Variants in FSD2 observed in about 807,000 individuals in gnomAD.
FSD2 encodes fibronectin type III and SPRY domain-containing protein 2.
FSD2 carries 71 observed loss-of-function variants against 80.4 expected under a neutral mutation model. The observed-to-expected ratio is 0.88, with a 90% CI of 0.73 to 1.08. The LOEUF is 1.08. FSD2 is among the 50% of genes least tolerant of loss of function. FSD2 has a pLI of 0.00. For missense variants in FSD2, 923 were observed against 913.8 expected (o/e 1.01, Z -0.13); for synonymous variants, 361 against 329.5 (o/e 1.10, Z -1.03).
intron 1 of FSD2, among the ~76,000 whole-genome samples, chr15:82,792,881 C>T (rs1240557534): frequency 1.3e-5 from 2 of 151,982 alleles, no homozygotes; most frequent in Non-Finnish European, 2.9e-5. Flanking sequence ...CAAATATTGG[C>T]CTGTAGTTTT....
intron 1 of FSD2, among the ~76,000 whole-genome samples, chr15:82,795,395 C>T (rs1197256904): frequency 6.6e-6 from 1 of 152,112 alleles, no homozygotes; most frequent in Admixed American, 6.6e-5. Context: ...AAATCCTCCC[C>T]AGAACCTGAG....
intron 1 of FSD2, among the ~76,000 whole-genome samples, chr15:82,789,357 A>T (rs1307635056): frequency 1.4e-5 from 2 of 142,436 alleles, no homozygotes; most frequent in Non-Finnish European, 3.0e-5. Context: ...AGAAGGATAT[A>T]ATAATAATAA....
chr15:82,801,857 A>G (rs891467252), intron 1 of FSD2, among the ~76,000 whole-genome samples: 23 of 152,136 alleles, frequency 1.5e-4, no homozygotes, highest in Non-Finnish European at 1.5e-5. Flanking sequence ...CAGCTCCACC[A>G]TGTCTTGGTC....
chr15:82,772,289 C>T, intron 6 of FSD2, 61 bp from the exon 7 acceptor site: 1 of 1,511,008 alleles, frequency 6.6e-7, no homozygotes, highest in Non-Finnish European at 9.0e-7. Flanking sequence ...TGACAGTGGC[C>T]CCTTTCCCAT....
chr15:82,761,117 T>C (rs953702182), intron 12 of FSD2, among the ~76,000 whole-genome samples: 5 of 152,248 alleles, frequency 3.3e-5, no homozygotes, highest in South Asian at 2.1e-4. Flanking sequence ...TTCCCACTTA[T>C]GCTTGGGCAT....
rs113569638 is a variant in FSD2 at position 82,782,257 on chromosome 15, G to C, written c.966+538C>G. 1.3e-4 allele frequency among the ~76,000 whole-genome samples: 20 copies of C among 151,406 alleles called. 1 individual carries two copies. Among genetic ancestry groups the C allele is most frequent in the African/African-American group, 4.6e-4 (19 of 41,292 alleles). ...AAAAATACAAAAAAAAAAATTAGCT[G>C]GGCTTGGTGGCGAGCGCCTGTAGTC... On this transcript the variant is annotated intron_variant, in intron 4 of 12. Transcript: ENST00000334574.
In FSD2 at chr15:82,769,745, A is replaced by G. The variant is rs535737702; in HGVS notation, c.1402+5T>C. On this transcript the variant is annotated splice_donor_5th_base_variant and intron_variant, in intron 8 of 12. Coordinates refer to ENST00000334574, the MANE Select transcript of FSD2 (RefSeq NM_001007122.4). ...CCCTGCTATAGGAAATGAGTAGCCCATTACCTGTCATGTACACTGCACGCT... is the reference window on the plus strand; with the variant it reads ...CCCTGCTATAGGAAATGAGTAGCCCGTTACCTGTCATGTACACTGCACGCT... The G allele has an allele frequency of 6.6e-5, 106 of 1,607,536 alleles. 2 individuals carry two copies. In the South Asian group the frequency reaches 1.1e-3, roughly 17 times the overall value.
intron 6 of FSD2, among the ~76,000 whole-genome samples, chr15:82,777,098 A>G (rs1313672539): frequency 2.0e-5 from 3 of 152,226 alleles, no homozygotes; most frequent in Non-Finnish European, 4.4e-5. Flanking sequence ...CTTAAATGTA[A>G]AACCCTGAAA....
In FSD2 at chr15:82,798,873, G is replaced by GTTTTTTTTTT. The variant is rs149986626; in HGVS notation, c.-79+7092_-79+7093insAAAAAAAAAA. Among the ~76,000 whole-genome samples, 9 of 111,472 alleles carry GTTTTTTTTTT rather than the reference G, an allele frequency of 8.1e-5. 2 individuals are homozygous for GTTTTTTTTTT. Among genetic ancestry groups the GTTTTTTTTTT allele is most frequent in the African/African-American group, 7.3e-5 (2 of 27,286 alleles). 73.1% of individuals were successfully genotyped at this position (111,472 alleles called of 152,430 possible). A position where few individuals can be genotyped will look rare whatever the true frequency, so the allele number is the denominator to read the frequency against. The stretch of plus-strand genomic sequence containing the variant: ...AAGTTTTCTTTCCACTATCTCCACT[G>GTTTTTTTTTT]TTTTGTTTTTTTTTTTTTTTTTGAG... On this transcript the variant is annotated intron_variant, in intron 1 of 12. Transcript: ENST00000334574.
At chr15:82,796,756 A>T (rs1287981214) in intron 1 of FSD2, among the ~76,000 whole-genome samples, 1 of 151,770 alleles carries the variant, frequency 6.6e-6, no homozygotes, top group Non-Finnish European at 1.5e-5. Flanking sequence ...TTCCACCATC[A>T]CTCTTCAGGC....
At position 82,780,282 on chromosome 15, in the gene FSD2, G is replaced by A. The variant is rs1460887318; in HGVS notation, c.967-15C>T. On this transcript the variant is annotated splice_polypyrimidine_tract_variant and intron_variant, in intron 4 of 12. Transcript: ENST00000334574. Reference sequence around the variant, plus strand: ...GCCACTGCATCCTAAAAAGGAAAAAGAGAAAATATTAAGTTGATTTTGGAA... The same window carrying A: ...GCCACTGCATCCTAAAAAGGAAAAAAAGAAAATATTAAGTTGATTTTGGAA... The A allele has an allele frequency of 6.8e-7, 1 of 1,459,994 alleles. No individual in the cohort carries two copies. The highest frequency in any genetic ancestry group is 1.4e-5 in the South Asian group (1 of 74,064). The allele number at this position is 1,459,994 out of a possible 1,614,324, so 90.4% of individuals were successfully genotyped here.
At chr15:82,788,072 T>A (rs992627633) in intron 1 of FSD2, among the ~76,000 whole-genome samples, 1 of 152,164 alleles carries the variant, frequency 6.6e-6, no homozygotes, top group Non-Finnish European at 1.5e-5. Flanking sequence ...AGTCTATTAT[T>A]TTTAAATTGT....
At chr15:82,781,461 AG>A (rs1420224382) in intron 4 of FSD2, among the ~76,000 whole-genome samples, 8 of 152,262 alleles carry the variant, frequency 5.3e-5, no homozygotes, top group Non-Finnish European at 8.8e-5. Flanking sequence ...GCAACCAGGA[AG>A]CTCTGGAGGC....
chr15:82,764,297 T>G (rs2049357912), intron 11 of FSD2, among the ~76,000 whole-genome samples: 1 of 152,138 alleles, frequency 6.6e-6, no homozygotes, highest in African/African-American at 2.4e-5. Flanking sequence ...AGTAAATGAC[T>G]TTGTAACTTC....
At position 82,765,329 on chromosome 15, in the gene FSD2, C is replaced by CA. The variant is rs750316394; in HGVS notation, c.1688-32dup. The stretch of plus-strand genomic sequence containing the variant: ...GGAGGAGGAACACACAGAAGACCCG[C>CA]AGCCAATCACTTGCTTTCTCCATGT... On this transcript the variant is annotated intron_variant, in intron 10 of 12. Coordinates refer to ENST00000334574, the MANE Select transcript of FSD2 (RefSeq NM_001007122.4). The CA allele has an allele frequency of 1.9e-5, 31 of 1,612,388 alleles. No homozygotes were observed. In the South Asian group the frequency reaches 3.2e-4, roughly 17 times the overall value.
intron 7 of FSD2, among the ~76,000 whole-genome samples, chr15:82,771,107 C>T (rs1451761403): frequency 4.6e-5 from 7 of 152,154 alleles, no homozygotes; most frequent in Non-Finnish European, 8.8e-5. Context: ...AAGAATTCCC[C>T]TTCTTTCCTG....
chr15:82,787,238 C>A lies in FSD2; in HGVS notation c.153G>T (p.Met51Ile). Residue 51 changes from methionine to isoleucine, a missense_variant, in exon 2 of 13, where the codon ATG becomes ATT. Met to Ile is a conservative substitution (Grantham distance 10). Coordinates refer to ENST00000334574, the MANE Select transcript of FSD2 (RefSeq NM_001007122.4). ...CCCCTGCTCCTCTTGACTCATTGGC[C>A]ATTTCAGCTTGGACTACTTTCCTCA... Reference protein sequence around the residue: ...TRMRKVVQAEMANESRGAGDG... With the variant: ...TRMRKVVQAEIANESRGAGDG... 1 of 1,613,878 alleles carries A rather than the reference C, an allele frequency of 6.2e-7. No individual in the cohort carries two copies. The highest frequency in any genetic ancestry group is 8.5e-7 in the Non-Finnish European group (1 of 1,179,882).
intron 10 of FSD2, among the ~76,000 whole-genome samples, chr15:82,765,606 A>C (rs1490238333): frequency 3.3e-5 from 5 of 152,194 alleles, no homozygotes; most frequent in African/African-American, 1.2e-4. Context: ...TTGAACCCCA[A>C]GCCCCTCTGA....
At chr15:82,761,486 A>G (rs1596225235) in intron 12 of FSD2, among the ~76,000 whole-genome samples, 1 of 152,284 alleles carries the variant, frequency 6.6e-6, no homozygotes, top group East Asian at 1.9e-4. Context: ...GCTTCAAAGC[A>G]AACTGTATTG....
Sources: allele counts gnomAD v4.1 joint callset (sites outside exome capture counted in the v4.1 genomes callset), GRCh38; gene constraint gnomAD v4.1.1; transcripts MANE v1.5; gene names NCBI Gene and HGNC (gene_info 2026-07-23, HGNC 2026-07-21).